TDRD7: variants seen among roughly 807,000 people sequenced by gnomAD.
TDRD7 encodes the protein tudor domain-containing protein 7.
Under a neutral mutation model 109.8 loss-of-function variants are expected in TDRD7, and 47 were observed. That is an observed-to-expected ratio of 0.43 (90% CI 0.34 to 0.55). The LOEUF (loss-of-function observed/expected upper bound fraction) is 0.55. Ranked by LOEUF, TDRD7 falls within the 20% of genes least tolerant of loss-of-function variation. The probability of loss-of-function intolerance (pLI) is 0.03; values close to 1 mark genes in which losing one functional copy is unlikely to be tolerated. For missense variants in TDRD7, 1,164 were observed against 1,319.2 expected, an observed-to-expected ratio of 0.88 and a Z score of 1.82; for synonymous variants, 424 against 457.3, an observed-to-expected ratio of 0.93 and a Z score of 0.93.
At chr9:97,460,059 A>G in intron 6 of TDRD7, 119 bp from the exon 7 acceptor site, 1 of 862,030 alleles carries the variant, frequency 1.2e-6, no homozygotes, top group Admixed American at 2.0e-5. Context: ...AAAAGAGTAA[A>G]TCGTACACTT....
At chr9:97,417,066 C>T (rs1333310752) in intron 1 of TDRD7, among the ~76,000 whole-genome samples, 1 of 152,068 alleles carries the variant, frequency 6.6e-6, no homozygotes, top group Non-Finnish European at 1.5e-5. Context: ...TGAGCACGTA[C>T]TTTAGCTGAA....
chr9:97,487,082 T>G, intron 15 of TDRD7, 90 bp from the exon 16 acceptor site: 5 of 1,381,622 alleles, frequency 3.6e-6, no homozygotes, highest in South Asian at 1.3e-5. Flanking sequence ...TTGCATTAAT[T>G]TTTCTTTTTA....
chr9:97,454,038 A>G (rs1400961411), intron 6 of TDRD7, among the ~76,000 whole-genome samples: 1 of 152,218 alleles, frequency 6.6e-6, no homozygotes, highest in Non-Finnish European at 1.5e-5. Flanking sequence ...GCTCTGGATC[A>G]AGTGGACCTA....
In TDRD7 at chr9:97,452,455, ATAAC is replaced by A. The variant is rs1828514316; in HGVS notation, c.856-7717_856-7714del. Among the ~76,000 whole-genome samples the A allele has an allele frequency of 4.6e-5, 7 of 152,344 alleles. No homozygotes were observed. In the South Asian group the frequency reaches 1.4e-3, roughly 32 times the overall value. ...TGGAGAACAAGTGAAATGTAGGCAC[ATAAC>A]TAACTGTTTTGAGATAAAAGAATAA... On this transcript the variant is annotated intron_variant, in intron 6 of 16. Transcript: ENST00000355295.
chr9:97,420,970 C>T (rs59749998), intron 1 of TDRD7, among the ~76,000 whole-genome samples: 11,105 of 151,842 alleles, frequency 0.073, 648 homozygotes, highest in African/African-American at 0.17. Context: ...CCATATCTAC[C>T]AAAAATACAA....
At chr9:97,489,034 T>C (rs191988558) in intron 16 of TDRD7, among the ~76,000 whole-genome samples, 12 of 152,340 alleles carry the variant, frequency 7.9e-5, no homozygotes, top group Admixed American at 7.8e-4. Flanking sequence ...ATTTTTAAAT[T>C]GTTAATGTGT....
At chr9:97,430,830 C>A in intron 2 of TDRD7, 103 bp from the exon 3 acceptor site, 4 of 1,382,470 alleles carry the variant, frequency 2.9e-6, no homozygotes, top group Non-Finnish European at 4.1e-6. Context: ...TACCACTTGA[C>A]TTGGGATATG....
At chr9:97,470,114 G>C (rs1828885850) in intron 8 of TDRD7, among the ~76,000 whole-genome samples, 1 of 152,206 alleles carries the variant, frequency 6.6e-6, no homozygotes, top group Non-Finnish European at 1.5e-5. Flanking sequence ...ATACCACAAG[G>C]ATGATGCCTG....
At chr9:97,438,548 G>A (rs549271785) in intron 4 of TDRD7, among the ~76,000 whole-genome samples, 10 of 152,182 alleles carry the variant, frequency 6.6e-5, no homozygotes, top group Admixed American at 2.0e-4. Context: ...AAGACACTTA[G>A]AGTCTAGTGT....
chr9:97,469,552 G>A (rs1372431104), intron 8 of TDRD7, among the ~76,000 whole-genome samples: 1 of 152,110 alleles, frequency 6.6e-6, no homozygotes, highest in African/African-American at 2.4e-5. Context: ...TTTCAGGGAG[G>A]CAGTGAAAGG....
intron 8 of TDRD7, among the ~76,000 whole-genome samples, chr9:97,467,753 G>C (rs1395944425): frequency 6.6e-6 from 1 of 152,188 alleles, no homozygotes; most frequent in Non-Finnish European, 1.5e-5. Context: ...GGACTGTTGT[G>C]GGGGAATGGA....
intron 8 of TDRD7, among the ~76,000 whole-genome samples, chr9:97,467,193 A>C (rs1828834511): frequency 6.6e-6 from 1 of 152,244 alleles, no homozygotes; most frequent in Non-Finnish European, 1.5e-5. Flanking sequence ...ACAAAAGCTA[A>C]GCTATTTTGA....
chr9:97,480,975 G>T (rs1438757425), intron 14 of TDRD7, 37 bp downstream of exon 14: 13 of 1,564,460 alleles, frequency 8.3e-6, no homozygotes, highest in Non-Finnish European at 1.1e-5. Context: ...ATTTAGAAAG[G>T]GAGCTGGCAG....
chr9:97,477,494 G>T lies in TDRD7; in HGVS notation c.2167-945G>T, dbSNP rs1829043132. ...ATCTTCATGTTTAAATTTAGGTTAT[G>T]CATTTTTGGCAGAAAGAAGCCTTCT... On this transcript the variant is annotated intron_variant, in intron 12 of 16. Coordinates refer to ENST00000355295, the MANE Select transcript of TDRD7 (RefSeq NM_014290.3). Among the ~76,000 whole-genome samples, 5 of 152,106 alleles carry T rather than the reference G, an allele frequency of 3.3e-5. No homozygotes were observed. The South Asian group carries it at 1.0e-3, about 32-fold the overall frequency.
chr9:97,441,564 C>T (rs1828305233), intron 5 of TDRD7, 94 bp from the exon 6 acceptor site: 1 of 1,189,494 alleles, frequency 8.4e-7, no homozygotes, highest in African/African-American at 1.5e-5. Flanking sequence ...CAAGCCCACA[C>T]TATAGCAAAA....
intron 9 of TDRD7, among the ~76,000 whole-genome samples, chr9:97,471,855 TTG>T (rs1167743508): frequency 6.6e-6 from 1 of 152,214 alleles, no homozygotes; most frequent in African/African-American, 2.4e-5. Flanking sequence ...ACAATAGTGG[TTG>T]TCTCAATTTC....
In TDRD7 at chr9:97,483,227, C is replaced by T. The variant is rs146083361; in HGVS notation, c.2791C>T (p.Pro931Ser). The change falls in exon 15 of 17, where the codon CCT becomes TCT. Residue 931 changes from proline to serine, a missense_variant. Pro to Ser is a moderately conservative substitution (Grantham distance 74). Transcript: ENST00000355295. ...TCACCCAGGCTACTTCGTCATCCAG[C>T]CTTGGCAGGAGATACATAAGTTGGA... ...ACHPGYFVIQ[P>S]WQEIHKLEVL... The T allele has an allele frequency of 5.0e-4, 804 of 1,613,232 alleles. No individual in the cohort carries two copies. The highest frequency in any genetic ancestry group is 6.3e-4 in the Non-Finnish European group (738 of 1,179,496).
chr9:97,428,696 A>G (rs1243485398), intron 2 of TDRD7, 24 bp downstream of exon 2: 1 of 1,607,544 alleles, frequency 6.2e-7, no homozygotes, highest in East Asian at 2.2e-5. Context: ...TGTGCGTGTC[A>G]GAAGAATCAA....
intron 1 of TDRD7, among the ~76,000 whole-genome samples, chr9:97,417,996 G>A (rs902581692): frequency 6.6e-6 from 1 of 152,088 alleles, no homozygotes; most frequent in African/African-American, 2.4e-5. Context: ...ATGGTGATGG[G>A]TGCCTGGAAT....
Sources: allele counts gnomAD v4.1 joint callset (sites outside exome capture counted in the v4.1 genomes callset), GRCh38; gene constraint gnomAD v4.1.1; transcripts MANE v1.5; gene names NCBI Gene and HGNC (gene_info 2026-07-23, HGNC 2026-07-21).